The following RYR2 variants were observed in gnomAD, a reference collection of about 807,000 sequenced individuals.
The protein encoded by RYR2 is cardiac muscle ryanodine receptor-calcium release channel.
RYR2 carries 227 observed loss-of-function variants against 601.1 expected under a neutral mutation model. That is an observed-to-expected ratio of 0.38 (90% CI 0.34 to 0.42). RYR2 has a LOEUF of 0.42. Ranked by LOEUF, RYR2 falls within the 10% of genes least tolerant of loss-of-function variation. RYR2 has a pLI of 1.00. For missense variants in RYR2, 4,646 were observed against 6,156.5 expected (o/e 0.75, Z 8.21); for synonymous variants, 2,223 against 2,175.1 (o/e 1.02, Z -0.61).
At chr1:237,617,822 G>A (rs558489178) in intron 38 of RYR2, among the ~76,000 whole-genome samples, 3 of 152,264 alleles carry the variant, frequency 2.0e-5, no homozygotes, top group East Asian at 1.9e-4. Flanking sequence ...CCTAGGACTC[G>A]ATGCTAGAGG....
chr1:237,421,036 C>T (rs1017727461), intron 11 of RYR2, among the ~76,000 whole-genome samples: 3 of 152,130 alleles, frequency 2.0e-5, no homozygotes, highest in African/African-American at 7.2e-5. Flanking sequence ...GTCAGGAGAT[C>T]GAGACCATCC....
At chr1:237,433,000 T>A (rs2150108115) in intron 12 of RYR2, among the ~76,000 whole-genome samples, 1 of 148,236 alleles carries the variant, frequency 6.7e-6, no homozygotes, top group South Asian at 2.1e-4. Flanking sequence ...TAATTAAAAC[T>A]ATCTGCTAAT....
chr1:237,198,033 A>G (rs1252229766), intron 1 of RYR2, among the ~76,000 whole-genome samples: 1 of 152,194 alleles, frequency 6.6e-6, no homozygotes, highest in Non-Finnish European at 1.5e-5. Context: ...TATTTTTGCT[A>G]ATGAGGCAGT....
chr1:237,212,278 G>A (rs541484806), intron 1 of RYR2, among the ~76,000 whole-genome samples: 145 of 152,158 alleles, frequency 9.5e-4, no homozygotes, highest in African/African-American at 3.4e-3. Context: ...GTGGACATGT[G>A]TTCTGGATAT....
intron 2 of RYR2, among the ~76,000 whole-genome samples, chr1:237,291,400 A>G (rs564766473): frequency 6.6e-6 from 1 of 152,282 alleles, no homozygotes; most frequent in African/African-American, 2.4e-5. Context: ...AGCTAAACAT[A>G]CTTTTACTGT....
intron 3 of RYR2, among the ~76,000 whole-genome samples, chr1:237,344,842 C>T (rs575023124): frequency 4.7e-4 from 71 of 152,194 alleles, no homozygotes; most frequent in African/African-American, 1.7e-3. Context: ...GAGTCTCGCT[C>T]TGTCACTGGG....
intron 96 of RYR2, among the ~76,000 whole-genome samples, chr1:237,795,560 C>T (rs1228178659): frequency 2.0e-5 from 3 of 151,894 alleles, no homozygotes; most frequent in Non-Finnish European, 4.4e-5. Context: ...AAGCAATTCT[C>T]CTGCCTCAGT....
intron 1 of RYR2, among the ~76,000 whole-genome samples, chr1:237,105,791 C>A (rs894474042): frequency 7.0e-6 from 1 of 143,720 alleles, no homozygotes; most frequent in East Asian, 2.1e-4. Flanking sequence ...GCTGAGATTG[C>A]GCCACTGCAC....
At chr1:237,805,131 C>A (rs1425954065) in intron 98 of RYR2, among the ~76,000 whole-genome samples, 1 of 152,086 alleles carries the variant, frequency 6.6e-6, no homozygotes, top group Non-Finnish European at 1.5e-5. Context: ...AGTAGGAAGT[C>A]AATAAATGTT....
At chr1:237,773,740 C>G (rs930437861) in intron 87 of RYR2, 92 bp downstream of exon 87, 4 of 967,006 alleles carry the variant, frequency 4.1e-6, no homozygotes, top group Non-Finnish European at 6.0e-6. Flanking sequence ...CCTATTGACC[C>G]CTTTCTGAGT....
chr1:237,262,256 T>TG (rs1445017084), intron 1 of RYR2, among the ~76,000 whole-genome samples: 2 of 135,664 alleles, frequency 1.5e-5, no homozygotes, highest in African/African-American at 5.5e-5. Flanking sequence ...TTTTTTTTTT[T>TG]TTTTTTTTTT....
Position 237,576,637 on chromosome 1 carries a change from T to C in RYR2, c.3598+7318T>C, listed in dbSNP as rs770417591. On this transcript the variant is annotated intron_variant, in intron 29 of 104. Transcript: ENST00000366574. ...ACTTTGAAACCACTGGTGGAGTATA[T>C]AGACAAATTTAAGAACATTCATTTA... Among the ~76,000 whole-genome samples the C allele has an allele frequency of 7.2e-5, 11 of 152,184 alleles. 2 individuals carry two copies. In the Middle Eastern group the frequency reaches 0.02, roughly 282 times the overall value.
chr1:237,611,110 G>T (rs1677818787), intron 36 of RYR2, 122 bp downstream of exon 36: 2 of 757,146 alleles, frequency 2.6e-6, no homozygotes, highest in African/African-American at 1.8e-5. Context: ...AATTTACAAA[G>T]ATCTAAATTC....
At chr1:237,695,734 C>G (rs962795516) in intron 63 of RYR2, among the ~76,000 whole-genome samples, 5 of 152,178 alleles carry the variant, frequency 3.3e-5, no homozygotes, top group Non-Finnish European at 5.9e-5. Context: ...AGGCTTCTTA[C>G]ACATGCTAAT....
At chr1:237,441,157 T>C (rs2150145651) in intron 12 of RYR2, among the ~76,000 whole-genome samples, 162 bp from the exon 13 acceptor site, 1 of 152,286 alleles carries the variant, frequency 6.6e-6, no homozygotes, top group African/African-American at 2.4e-5. Context: ...CAAGCATAAG[T>C]TAGAGGTCGA....
At chr1:237,627,274 CT>C (rs2148664289) in intron 40 of RYR2, among the ~76,000 whole-genome samples, 1 of 152,242 alleles carries the variant, frequency 6.6e-6, no homozygotes, top group South Asian at 2.1e-4. Flanking sequence ...CAATCAAATC[CT>C]TTTGAAGACA....
At chr1:237,505,391 A>G (rs1270614019) in intron 22 of RYR2, among the ~76,000 whole-genome samples, 15 of 152,212 alleles carry the variant, frequency 9.9e-5, no homozygotes, top group Non-Finnish European at 2.2e-4. Context: ...CATTGCTTCC[A>G]AAGTCTGAAC....
At chr1:237,211,515 G>A (rs1682570794) in intron 1 of RYR2, among the ~76,000 whole-genome samples, 1 of 152,128 alleles carries the variant, frequency 6.6e-6, no homozygotes, top group Admixed American at 6.6e-5. Context: ...CTAGTACGTG[G>A]TACAGCTGGG....
At chr1:237,191,859 T>G (rs268788) in intron 1 of RYR2, among the ~76,000 whole-genome samples, 145,261 of 152,272 alleles carry the variant, frequency 0.95, 69,504 homozygotes, top group Non-Finnish European at 0.99. Flanking sequence ...GCTCTCTGTT[T>G]TTGTTGCTGT....
Sources: allele counts gnomAD v4.1 joint callset (sites outside exome capture counted in the v4.1 genomes callset), GRCh38; gene constraint gnomAD v4.1.1; transcripts MANE v1.5; gene names NCBI Gene and HGNC (gene_info 2026-07-23, HGNC 2026-07-21).